The following IFI16 variants were observed in gnomAD, a reference collection of about 807,000 sequenced individuals.
IFI16 encodes the protein gamma-interferon-inducible protein 16.
Under a neutral mutation model 68.4 loss-of-function variants are expected in IFI16, and 49 were observed. The observed-to-expected ratio is 0.72, with a 90% CI of 0.57 to 0.91. The LOEUF is 0.91. IFI16 is among the 40% of genes least tolerant of loss of function. The probability of loss-of-function intolerance (pLI) is 0.00; values close to 1 mark genes in which losing one functional copy is unlikely to be tolerated. For synonymous variants in IFI16, 307 were observed against 315.0 expected (o/e 0.97, Z 0.27); for missense variants, 878 against 942.9 (o/e 0.93, Z 0.90).
intron 7 of IFI16, among the ~76,000 whole-genome samples, chr1:159,040,858 C>T (rs1487560929): frequency 3.9e-5 from 6 of 152,196 alleles, no homozygotes; most frequent in Non-Finnish European, 5.9e-5. Context: ...TATGAGAACA[C>T]TAGCGTTCAT....
At chr1:159,053,768 T>C in intron 11 of IFI16, 44 bp downstream of exon 11, 3 of 1,476,642 alleles carry the variant, frequency 2.0e-6, no homozygotes, top group Non-Finnish European at 2.8e-6. Context: ...TGGCGAATCA[T>C]TTTGTTTATA....
At chr1:159,052,168 C>A in intron 10 of IFI16, 70 bp downstream of exon 10, 1 of 1,303,722 alleles carries the variant, frequency 7.7e-7, no homozygotes, top group Non-Finnish European at 1.1e-6. Flanking sequence ...AACTTGTCAA[C>A]TGGAGTTTGG....
intron 10 of IFI16, 113 bp downstream of exon 10, chr1:159,052,211 C>T (rs1655410525): frequency 4.1e-6 from 3 of 736,636 alleles, no homozygotes; most frequent in South Asian, 3.6e-5. Context: ...TCAACCCCTT[C>T]ACCCTTCCCC....
intron 5 of IFI16, among the ~76,000 whole-genome samples, chr1:159,019,821 C>A (rs1234995979): frequency 6.6e-6 from 1 of 152,028 alleles, no homozygotes; most frequent in South Asian, 2.1e-4. Context: ...GAGTAATGAG[C>A]AAAAAGCTGG....
chr1:159,039,858 C>A (rs1289766785), intron 7 of IFI16, among the ~76,000 whole-genome samples: 3 of 152,222 alleles, frequency 2.0e-5, no homozygotes, highest in African/African-American at 7.2e-5. Flanking sequence ...CCAGCCATTT[C>A]TTAGCCAAAT....
intron 6 of IFI16, among the ~76,000 whole-genome samples, chr1:159,023,860 G>A (rs1281834748): frequency 6.6e-6 from 1 of 152,240 alleles, no homozygotes; most frequent in East Asian, 1.9e-4. Flanking sequence ...CTTGCCGTGA[G>A]AGGCACAAAG....
exon 1 of IFI16, chr1:159,000,220 A>T (rs372858811): frequency 3.9e-6 from 1 of 257,318 alleles, no homozygotes; most frequent in Non-Finnish European, 8.2e-6. Context: ...TATTAAACTC[A>T]TCTGGAAGAA....
At chr1:159,017,712 A>C (rs1221427709) in intron 4 of IFI16, among the ~76,000 whole-genome samples, 1 of 152,004 alleles carries the variant, frequency 6.6e-6, no homozygotes, top group Non-Finnish European at 1.5e-5. Flanking sequence ...GGTTCAAGTG[A>C]TTCTCCTGCC....
intron 7 of IFI16, among the ~76,000 whole-genome samples, chr1:159,036,757 T>C (rs575834914): frequency 6.6e-6 from 1 of 152,286 alleles, no homozygotes; most frequent in South Asian, 2.1e-4. Flanking sequence ...AATAATCAGA[T>C]GCTGTATCTT....
At chr1:159,006,819 C>A (rs1652277336), upstream of IFI16, among the ~76,000 whole-genome samples, 1 of 151,946 alleles carries the variant, frequency 6.6e-6, no homozygotes, top group Non-Finnish European at 1.5e-5. Context: ...GTGCAAGTGC[C>A]AAAAAACAAA....
chr1:159,052,208 C>T (rs1655410317), intron 10 of IFI16, 110 bp downstream of exon 10: 2 of 757,100 alleles, frequency 2.6e-6, no homozygotes, highest in Non-Finnish European at 4.3e-6. Flanking sequence ...AAATCAACCC[C>T]TTCACCCTTC....
chr1:159,032,763 A>T lies in IFI16; in HGVS notation c.1329+72A>T, dbSNP rs1654082622. 7 of 1,235,416 alleles carry T rather than the reference A, an allele frequency of 5.7e-6. No homozygotes were observed. In the South Asian group the frequency reaches 1.0e-4, roughly 18 times the overall value. The allele number at this position is 1,235,416 out of a possible 1,614,324, so 76.5% of individuals were successfully genotyped here. Reference sequence around the variant, plus strand: ...ACAGGGATCATTAGACTGTTGAAAGAGCTACTGCTGTAATCTCTGTGAATG... The same window carrying T: ...ACAGGGATCATTAGACTGTTGAAAGTGCTACTGCTGTAATCTCTGTGAATG... On this transcript the variant is annotated intron_variant, in intron 7 of 11. Coordinates refer to ENST00000295809, the MANE Select transcript of IFI16 (RefSeq NM_001376587.1).
At chr1:159,044,503 T>A (rs926318701) in intron 7 of IFI16, among the ~76,000 whole-genome samples, 5 of 152,116 alleles carry the variant, frequency 3.3e-5, no homozygotes, top group African/African-American at 1.2e-4. Context: ...TTTGTGTACC[T>A]CTCTATCAAC....
chr1:159,025,341 ACAC>A (rs1477018359), intron 6 of IFI16, among the ~76,000 whole-genome samples: 1 of 152,176 alleles, frequency 6.6e-6, no homozygotes, highest in Admixed American at 6.5e-5. Flanking sequence ...AAAAAAATAA[ACAC>A]CATTTTATAT....
intron 6 of IFI16, among the ~76,000 whole-genome samples, chr1:159,028,303 T>C (rs1029959399): frequency 6.6e-6 from 1 of 152,218 alleles, no homozygotes; most frequent in Non-Finnish European, 1.5e-5. Flanking sequence ...TTATTTAATT[T>C]CCATGTATTT....
chr1:159,040,740 G>A (rs1445085045), intron 7 of IFI16, among the ~76,000 whole-genome samples: 2 of 152,150 alleles, frequency 1.3e-5, no homozygotes, highest in Admixed American at 1.3e-4. Flanking sequence ...ATTTTTGCTT[G>A]TTGGGCATTT....
Position 159,032,697 on chromosome 1 carries a change from A to G in IFI16, c.1329+6A>G. 1 of 1,581,048 alleles carries G rather than the reference A, an allele frequency of 6.3e-7. No individual in the cohort carries two copies. The highest frequency in any genetic ancestry group is 8.6e-7 in the Non-Finnish European group (1 of 1,167,068). ...CCAGCAGTTTCTTCACCAAGGTACA[A>G]TTTCCTGGGTCCCATGCCTCATGTC... On this transcript the variant is annotated splice_donor_region_variant and intron_variant, in intron 7 of 11. Coordinates refer to ENST00000295809, the MANE Select transcript of IFI16 (RefSeq NM_001376587.1).
chr1:159,005,544 T>G (rs904170642), upstream of IFI16, among the ~76,000 whole-genome samples: 4 of 152,222 alleles, frequency 2.6e-5, no homozygotes, highest in East Asian at 5.8e-4. Flanking sequence ...AAGCTCTTTC[T>G]GCCAACAGAG....
chr1:159,049,657 A>C, intron 9 of IFI16, 58 bp downstream of exon 9: 1 of 1,601,852 alleles, frequency 6.2e-7, no homozygotes, highest in Non-Finnish European at 8.5e-7. Flanking sequence ...ACAAGGATTA[A>C]CACAACCGTG....
Sources: allele counts gnomAD v4.1 joint callset (sites outside exome capture counted in the v4.1 genomes callset), GRCh38; gene constraint gnomAD v4.1.1; transcripts MANE v1.5; gene names NCBI Gene and HGNC (gene_info 2026-07-23, HGNC 2026-07-21).